The following PYHIN1 variants were observed in gnomAD, a reference collection of about 807,000 sequenced individuals.
The protein encoded by PYHIN1 is pyrin and HIN domain family member 1, also known as pyrin and HIN domain-containing protein 1.
In PYHIN1, 32 loss-of-function variants were observed where a neutral mutation model predicts 43.7. That is an observed-to-expected ratio of 0.73 (90% CI 0.55 to 0.98). The LOEUF is 0.98. Ranked by LOEUF, PYHIN1 falls within the 50% of genes least tolerant of loss-of-function variation. The pLI is 0.00. For missense variants in PYHIN1, 588 were observed against 589.5 expected (o/e 1.00, Z 0.03); for synonymous variants, 205 against 203.1 (o/e 1.01, Z -0.08).
the PYHIN1 span, among the ~76,000 whole-genome samples, chr1:158,989,789 C>A: frequency 1.3e-5 from 2 of 152,136 alleles, no homozygotes; most frequent in African/African-American, 4.8e-5. Flanking sequence ...TACATTATTA[C>A]AGCAACCCTT....
At chr1:158,961,325 C>CTTGATG (rs1300440267) in intron 7 of PYHIN1, among the ~76,000 whole-genome samples, 1 of 151,966 alleles carries the variant, frequency 6.6e-6, no homozygotes, top group Non-Finnish European at 1.5e-5. Context: ...CTTACACTAA[C>CTTGATG]TTGATGATGT....
Position 158,939,234 on chromosome 1 carries a change from C to T in PYHIN1, c.566C>T (p.Thr189Ile). 1 of 1,601,120 alleles carries T rather than the reference C, an allele frequency of 6.2e-7. No homozygotes were observed. ...ACCTCATCATCAGCTCCACCCAACA[C>T]TTCCTCAACTGAGGTACACTCTTCC... is the stretch of plus-strand genomic sequence containing the variant. Reference protein sequence around the residue: ...PQTSSSAPPNTSSTESLKPLA... With the variant: ...PQTSSSAPPNISSTESLKPLA... The change falls in exon 4 of 9, where the codon ACT (threonine) becomes ATT (isoleucine). Residue 189 changes from threonine (T) to isoleucine (I), a missense_variant. By Grantham distance (89) the Thr-to-Ile change is moderately conservative. Transcript: ENST00000368140.
chr1:158,944,996 C>A lies in PYHIN1; in HGVS notation c.1313C>A (p.Thr438Asn). 3 of 1,613,866 alleles carry A rather than the reference C, an allele frequency of 1.9e-6. No homozygotes were observed. Among genetic ancestry groups the A allele is most frequent in the Non-Finnish European group, 2.5e-6 (3 of 1,179,846 alleles). ...STTLPESHLK[T>N]PQMPPTTPSS... The stretch of plus-strand genomic sequence containing the variant: ...ACCCTACCTGAAAGCCATCTCAAGA[C>A]TCCTCAGATGCCACCAACAACCCCA... The change falls in exon 7 of 9, where the codon ACT (threonine) becomes AAT (asparagine). Residue 438 changes from threonine (T) to asparagine (N), a missense_variant. Transcript: ENST00000368140.
Position 158,973,712 on chromosome 1 carries a change from G to A in PYHIN1, c.1425G>A (p.Val475=). Residue 475 remains valine (V), a synonymous_variant, in exon 8 of 9, where the codon GTG becomes GTA. Transcript: ENST00000368140. ...ACTTTAGAATCACCTCACCAACTGT[G>A]GCCCCTCCTCTTTCTTCTGACACTT... ...PANFRITSPT[V]APPLSSDTST... is the part of the protein sequence containing the mutation. 1 of 1,613,102 alleles carries A rather than the reference G, an allele frequency of 6.2e-7. No homozygotes were observed. Among genetic ancestry groups the A allele is most frequent in the Non-Finnish European group, 8.5e-7 (1 of 1,179,494 alleles).
chr1:158,939,180 C>T lies in PYHIN1; in HGVS notation c.512C>T (p.Thr171Ile), dbSNP rs147900319. 5.6e-4 allele frequency: 901 copies of T among 1,613,678 alleles called. 7 individuals carry two copies. Among genetic ancestry groups the T allele is most frequent in the Middle Eastern group, 4.9e-4 (3 of 6,084 alleles). ...PSCSAGASTSTAMGRSPPPQT... is the reference protein window; with the variant it reads ...PSCSAGASTSIAMGRSPPPQT... ...TGCTCTGCAGGAGCCAGCACGTCCA[C>T]AGCCATGGGCCGTTCCCCACCTCCC... Residue 171 changes from threonine to isoleucine, a missense_variant, in exon 4 of 9, where the codon ACA becomes ATA. Transcript: ENST00000368140.
In PYHIN1 at chr1:158,976,711, A is replaced by C. The variant is rs746274773; in HGVS notation, c.*16A>C. 1 of 1,601,234 alleles carries C rather than the reference A, an allele frequency of 6.2e-7. No homozygotes were observed. Among genetic ancestry groups the C allele is most frequent in the Admixed American group, 1.7e-5 (1 of 58,540 alleles). ...TCTTTATGCTTCAAGGTCACCAAGG[A>C]CAAGGATATCAAATAACTACTGTTC... On this transcript the variant is annotated 3_prime_UTR_variant, in exon 9 of 9. Coordinates refer to ENST00000368140, the MANE Select transcript of PYHIN1 (RefSeq NM_152501.5).
At chr1:158,948,263 A>T (rs1223490034) in intron 7 of PYHIN1, among the ~76,000 whole-genome samples, 1 of 152,198 alleles carries the variant, frequency 6.6e-6, no homozygotes, top group Non-Finnish European at 1.5e-5. Flanking sequence ...ACCAGTAGAG[A>T]TAATCTTGCA....
At chr1:158,948,022 A>G (rs1649320479) in intron 7 of PYHIN1, among the ~76,000 whole-genome samples, 1 of 152,076 alleles carries the variant, frequency 6.6e-6, no homozygotes. Flanking sequence ...TCATCTTAAA[A>G]TTTTTCCACC....
At chr1:158,983,346 A>G in the PYHIN1 span, among the ~76,000 whole-genome samples, 4 of 152,154 alleles carry the variant, frequency 2.6e-5, no homozygotes, top group Non-Finnish European at 5.9e-5. Context: ...GGTTTTTAAC[A>G]TGAAAGAATG....
At chr1:158,973,477 A>G (rs77564944) in intron 7 of PYHIN1, among the ~76,000 whole-genome samples, 170 bp from the exon 8 acceptor site, 2 of 149,976 alleles carry the variant, frequency 1.3e-5, no homozygotes, top group Non-Finnish European at 3.0e-5. Flanking sequence ...AGAGATTAGC[A>G]GAGGGAAGAT....
chr1:158,939,702 G>T, intron 4 of PYHIN1: 1 of 618,002 alleles, frequency 1.6e-6, no homozygotes, highest in South Asian at 2.1e-5. Context: ...TATCCTCAGG[G>T]AATCCTCACT....
chr1:158,975,211 A>G (rs567915878), intron 8 of PYHIN1, among the ~76,000 whole-genome samples: 2 of 133,326 alleles, frequency 1.5e-5, no homozygotes, highest in Admixed American at 8.4e-5. Context: ...TTGCTTTTGT[A>G]TATCATAGAT....
the PYHIN1 span, among the ~76,000 whole-genome samples, chr1:158,990,845 T>C: frequency 6.6e-6 from 1 of 152,184 alleles, no homozygotes; most frequent in Non-Finnish European, 1.5e-5. Context: ...GGGAGGCACA[T>C]GGTGGGACCA....
At chr1:158,969,385 A>G (rs1341230664) in intron 7 of PYHIN1, among the ~76,000 whole-genome samples, 1 of 151,960 alleles carries the variant, frequency 6.6e-6, no homozygotes, top group Non-Finnish European at 1.5e-5. Flanking sequence ...GGTAAAAGGA[A>G]AACTGAGTCA....
chr1:158,963,402 G>T (rs924747694), intron 7 of PYHIN1, among the ~76,000 whole-genome samples: 2 of 152,084 alleles, frequency 1.3e-5, no homozygotes, highest in Non-Finnish European at 2.9e-5. Flanking sequence ...AGAGTCAAGT[G>T]AAAGGCCCTC....
In PYHIN1 at chr1:158,937,054, T is replaced by C; in HGVS notation, c.144T>C (p.Ile48=). ...KMKEEYDKIQ[I]ADLMEEKFPG... ...AAGAAGAGTATGACAAAATTCAGAT[T>C]GCTGACTTGATGGAGGAAAAGTTCC... The change falls in exon 2 of 9, where the codon ATT becomes ATC. Residue 48 remains isoleucine, a synonymous_variant. Transcript: ENST00000368140. The C allele has an allele frequency of 1.2e-6, 2 of 1,614,128 alleles. No individual in the cohort carries two copies. Among genetic ancestry groups the C allele is most frequent in the Non-Finnish European group, 1.7e-6 (2 of 1,180,000 alleles).
downstream of PYHIN1, among the ~76,000 whole-genome samples, chr1:158,979,650 T>G (rs754435944): frequency 2.6e-5 from 4 of 152,182 alleles, no homozygotes; most frequent in Non-Finnish European, 4.4e-5. Context: ...GCTAGTAATA[T>G]CTCTTCAACT....
In PYHIN1 at chr1:158,973,652, T is replaced by G; in HGVS notation, c.1365T>G (p.Asp455Glu). 1 of 1,613,030 alleles carries G rather than the reference T, an allele frequency of 6.2e-7. No homozygotes were observed. The change falls in exon 8 of 9, where the codon GAT becomes GAG. Residue 455 changes from aspartate (D) to glutamate (E), a missense_variant. Physicochemically the swap from Asp to Glu is conservative, Grantham distance 45. Transcript: ENST00000368140. ...ACCCAAATTTATGACTCCAGAAGGATGAAACCCACCCAGGAGCACAGTCAT... is the reference window on the plus strand; with the variant it reads ...ACCCAAATTTATGACTCCAGAAGGAGGAAACCCACCCAGGAGCACAGTCAT... ...TPSSSSFTKK[D>E]ETHPGAQSSP...
intron 7 of PYHIN1, among the ~76,000 whole-genome samples, chr1:158,968,030 C>T (rs977776368): frequency 6.6e-6 from 1 of 151,718 alleles, no homozygotes; most frequent in East Asian, 1.9e-4. Context: ...GGATATAGGG[C>T]CTGGAAAAGA....
Sources: allele counts gnomAD v4.1 joint callset (sites outside exome capture counted in the v4.1 genomes callset), GRCh38; gene constraint gnomAD v4.1.1; transcripts MANE v1.5; gene names NCBI Gene and HGNC (gene_info 2026-07-23, HGNC 2026-07-21).